LAMB1: variants seen among roughly 807,000 people sequenced by gnomAD.
The protein encoded by LAMB1 is laminin subunit beta-1.
Under a neutral mutation model 222.3 loss-of-function variants are expected in LAMB1, and 121 were observed. The ratio of observed to expected loss-of-function variants is 0.54; its 90% CI spans 0.47 to 0.63. LAMB1 has a LOEUF of 0.63. Ranked by LOEUF, LAMB1 falls within the 30% of genes least tolerant of loss-of-function variation. The pLI is 0.00. For synonymous variants in LAMB1, 794 were observed against 807.2 expected, an observed-to-expected ratio of 0.98 and a Z score of 0.28; for missense variants, 2,172 against 2,240.8, an observed-to-expected ratio of 0.97 and a Z score of 0.62.
intron 7 of LAMB1, among the ~76,000 whole-genome samples, chr7:107,984,305 G>A (rs946402932): frequency 5.3e-5 from 8 of 152,188 alleles, no homozygotes; most frequent in Non-Finnish European, 8.8e-5. Context: ...CTGGAGTGCA[G>A]TGGCACGATC....
chr7:107,998,616 G>A, intron 3 of LAMB1, 124 bp from the exon 4 acceptor site: 1 of 746,380 alleles, frequency 1.3e-6, no homozygotes. Flanking sequence ...AAATAATTGT[G>A]TGAAAATTGC....
chr7:107,932,151 A>G, intron 28 of LAMB1, 23 bp downstream of exon 28: 1 of 1,610,804 alleles, frequency 6.2e-7, no homozygotes, highest in Non-Finnish European at 8.5e-7. Flanking sequence ...CATAACAAAA[A>G]CTGAGGCCAT....
chr7:107,949,980 C>G (rs955521784), intron 24 of LAMB1, among the ~76,000 whole-genome samples: 1 of 152,164 alleles, frequency 6.6e-6, no homozygotes, highest in African/African-American at 2.4e-5. Flanking sequence ...ACCTGTAATT[C>G]TAGAACTTTG....
intron 5 of LAMB1, among the ~76,000 whole-genome samples, chr7:107,993,284 C>A (rs1453983452): frequency 6.6e-6 from 1 of 152,158 alleles, no homozygotes. Flanking sequence ...CAGGCGCGTG[C>A]CACCACGCCT....
At position 107,955,553 on chromosome 7, in the gene LAMB1, G is replaced by C; in HGVS notation, c.2768C>G (p.Pro923Arg). Residue 923 changes from proline (P) to arginine (R), a missense_variant, in exon 21 of 34, where the codon CCC (proline) becomes CGC (arginine). Pro to Arg is a moderately radical substitution (Grantham distance 103). Transcript: ENST00000222399. Reference sequence around the variant, plus strand: ...CCTGGCAAACTGGCGTCCACTGTCGGGACCATCTGGGCAAGGGCAAGGGCG... The same window carrying C: ...CCTGGCAAACTGGCGTCCACTGTCGCGACCATCTGGGCAAGGGCAAGGGCG... ...HCRPCPCPDGPDSGRQFARSC... is the reference protein window; with the variant it reads ...HCRPCPCPDGRDSGRQFARSC... 6.2e-7 allele frequency: 1 copy of C among 1,614,066 alleles called. No homozygotes were observed. Among genetic ancestry groups the C allele is most frequent in the Non-Finnish European group, 8.5e-7 (1 of 1,179,998 alleles).
At chr7:107,967,878 C>T (rs1013229768) in intron 13 of LAMB1, among the ~76,000 whole-genome samples, 2 of 152,072 alleles carry the variant, frequency 1.3e-5, no homozygotes, top group African/African-American at 2.4e-5. Flanking sequence ...GATAGAGTTA[C>T]AAGCAAAGCA....
intron 24 of LAMB1, among the ~76,000 whole-genome samples, chr7:107,948,971 T>C (rs1413190115): frequency 6.6e-6 from 1 of 152,230 alleles, no homozygotes; most frequent in East Asian, 1.9e-4. Context: ...TTCAATACAT[T>C]CTCCTTAAAC....
intron 27 of LAMB1, among the ~76,000 whole-genome samples, chr7:107,933,570 A>G (rs899181971): frequency 1.3e-5 from 2 of 151,858 alleles, no homozygotes; most frequent in African/African-American, 4.9e-5. Context: ...CACATAGAAG[A>G]TCTGTTTTGT....
At chr7:107,965,474 G>A (rs1291827395) in intron 13 of LAMB1, among the ~76,000 whole-genome samples, 2 of 152,136 alleles carry the variant, frequency 1.3e-5, no homozygotes, top group Non-Finnish European at 1.5e-5. Flanking sequence ...AGATACTTGG[G>A]AGGCTGAGGC....
Position 107,932,291 on chromosome 7 carries a change from A to G in LAMB1, c.4275T>C (p.Cys1425=), listed in dbSNP as rs2032730518. The change falls in exon 28 of 34, where the codon TGT becomes TGC. Residue 1425 remains cysteine (C), a synonymous_variant. Coordinates refer to ENST00000222399, the MANE Select transcript of LAMB1 (RefSeq NM_002291.3). ...NCRTDEGERK[C]GGPGCGGLVT... ...CCAGACCACCACAGCCAGGCCCCCC[A>G]CACTTCCTCTCTCCTTCGTCAGTTC... The G allele has an allele frequency of 6.2e-7, 1 of 1,614,012 alleles. No individual in the cohort carries two copies. The highest frequency in any genetic ancestry group is 8.5e-7 in the Non-Finnish European group (1 of 1,179,994).
chr7:107,998,562 C>T, intron 3 of LAMB1, 70 bp from the exon 4 acceptor site: 1 of 1,336,554 alleles, frequency 7.5e-7, no homozygotes, highest in Non-Finnish European at 1.0e-6. Context: ...TAAAAAAACC[C>T]CATGAAGCTC....
intron 23 of LAMB1, 87 bp from the exon 24 acceptor site, chr7:107,951,409 A>G (rs2033247598): frequency 3.4e-6 from 4 of 1,182,138 alleles, no homozygotes; most frequent in Non-Finnish European, 5.0e-6. Context: ...ACTTAGAAGT[A>G]GGAATGAACT....
At chr7:107,943,303 G>A (rs1323776739) in intron 24 of LAMB1, among the ~76,000 whole-genome samples, 1 of 152,140 alleles carries the variant, frequency 6.6e-6, no homozygotes, top group African/African-American at 2.4e-5. Flanking sequence ...AAAGTCATTT[G>A]ACCATGGGAT....
rs2150438878 is a variant in LAMB1 at position 107,975,534 on chromosome 7, T to C, written c.1190-121A>G. 4.0e-6 allele frequency: 5 copies of C among 1,236,522 alleles called. No homozygotes were observed. The Admixed American group carries it at 1.3e-4, about 33-fold the overall frequency. 76.6% of individuals were successfully genotyped at this position (1,236,522 alleles called of 1,614,324 possible). A position where few individuals can be genotyped will look rare whatever the true frequency, so the allele number is the denominator to read the frequency against. ...AAAAGTCGACTAAAAGCAGCACAACTACCAAGTAAATTCCACTCCCAGCGT... is the reference window on the plus strand; with the variant it reads ...AAAAGTCGACTAAAAGCAGCACAACCACCAAGTAAATTCCACTCCCAGCGT... On this transcript the variant is annotated intron_variant, in intron 10 of 33. Transcript: ENST00000222399.
intron 26 of LAMB1, chr7:107,936,415 G>C (rs921312820): frequency 1.3e-5 from 2 of 152,120 alleles, no homozygotes; most frequent in Admixed American, 1.3e-4. Flanking sequence ...AAAGAAAGAA[G>C]TATATAGGAG....
At chr7:107,949,389 T>C (rs1249135692) in intron 24 of LAMB1, among the ~76,000 whole-genome samples, 3 of 152,164 alleles carry the variant, frequency 2.0e-5, no homozygotes, top group African/African-American at 4.8e-5. Context: ...CAATGACACA[T>C]GCTGACAGAA....
intron 4 of LAMB1, among the ~76,000 whole-genome samples, chr7:107,997,321 G>A (rs2034298506): frequency 6.6e-6 from 1 of 152,156 alleles, no homozygotes; most frequent in South Asian, 2.1e-4. Context: ...TACTCAGGAG[G>A]CTGAGGCAGG....
chr7:107,994,145 G>A (rs2034237960), intron 5 of LAMB1, among the ~76,000 whole-genome samples: 1 of 152,204 alleles, frequency 6.6e-6, no homozygotes, highest in African/African-American at 2.4e-5. Context: ...ACTAAATTAT[G>A]GGTTTTCTGT....
chr7:107,939,870 C>T (rs2032937875), intron 25 of LAMB1, 119 bp downstream of exon 25: 1 of 1,172,656 alleles, frequency 8.5e-7, no homozygotes, highest in Non-Finnish European at 1.2e-6. Flanking sequence ...AGAATCTGTT[C>T]TCACCCACAG....
Sources: gnomAD v4.1 joint callset for allele counts (sites outside exome capture counted in the v4.1 genomes callset) on GRCh38, gnomAD v4.1.1 for gene constraint, MANE v1.5 for transcripts, NCBI Gene and HGNC (gene_info 2026-07-23, HGNC 2026-07-21) for gene names.